Variants in SH3PXD2A observed in about 807,000 individuals in gnomAD.
The protein encoded by SH3PXD2A is SH3 and PX domains 2A, also known as SH3 and PX domain-containing protein 2A.
A neutral mutation model predicts 115.2 loss-of-function variants in SH3PXD2A; 32 were observed. The observed-to-expected ratio is 0.28, with a 90% CI of 0.21 to 0.37. The LOEUF is 0.37. Among genes scored for constraint, SH3PXD2A ranks in the 10% least tolerant of loss-of-function variants. The pLI, the probability that SH3PXD2A is intolerant of heterozygous loss-of-function variation, is 1.00. For missense variants in SH3PXD2A, 1,328 were observed against 1,498.7 expected (o/e 0.89, Z 1.88); for synonymous variants, 610 against 629.1 (o/e 0.97, Z 0.45).
At chr10:103,650,683 T>C (rs1183350874) in intron 8 of SH3PXD2A, among the ~76,000 whole-genome samples, 5 of 152,212 alleles carry the variant, frequency 3.3e-5, no homozygotes, top group African/African-American at 1.2e-4. Context: ...GTCCAGGCCC[T>C]GTCCCTGTCT....
intron 2 of SH3PXD2A, among the ~76,000 whole-genome samples, chr10:103,793,181 C>T (rs1589456706): frequency 1.3e-5 from 2 of 152,218 alleles, no homozygotes; most frequent in East Asian, 3.9e-4. Context: ...ATAAGGTTCC[C>T]CCTTTATCAA....
At chr10:103,631,686 A>C (rs2036782150) in intron 8 of SH3PXD2A, among the ~76,000 whole-genome samples, 2 of 152,140 alleles carry the variant, frequency 1.3e-5, no homozygotes, top group South Asian at 4.2e-4. Context: ...GCATGTGGTC[A>C]CTCCCCAAAT....
intron 9 of SH3PXD2A, among the ~76,000 whole-genome samples, chr10:103,623,095 G>A (rs2036632427): frequency 6.6e-6 from 1 of 152,130 alleles, no homozygotes; most frequent in South Asian, 2.1e-4. Flanking sequence ...GAGAGCTCTC[G>A]CCATTCTGGG....
intron 11 of SH3PXD2A, among the ~76,000 whole-genome samples, chr10:103,614,709 T>G (rs1411210889): frequency 2.6e-5 from 4 of 152,106 alleles, no homozygotes; most frequent in Admixed American, 2.6e-4. Flanking sequence ...CCTGGACACA[T>G]CTGGCTCTTT....
chr10:103,724,026 T>G (rs12219579), intron 5 of SH3PXD2A, among the ~76,000 whole-genome samples: 43,639 of 152,128 alleles, frequency 0.29, 6,815 homozygotes, highest in African/African-American at 0.4. Flanking sequence ...TAGGAAAATC[T>G]GCTCCACAAA....
chr10:103,623,877 A>T (rs762784894), intron 9 of SH3PXD2A, among the ~76,000 whole-genome samples: 3 of 152,190 alleles, frequency 2.0e-5, no homozygotes, highest in African/African-American at 7.2e-5. Flanking sequence ...CTCTGCAGAG[A>T]TGAAGGGGTT....
At chr10:103,624,379 TG>T (rs2036658458) in intron 9 of SH3PXD2A, among the ~76,000 whole-genome samples, 1 of 152,210 alleles carries the variant, frequency 6.6e-6, no homozygotes, top group Non-Finnish European at 1.5e-5. Flanking sequence ...GGCAGAGACT[TG>T]GGTTCTGGTC....
intron 8 of SH3PXD2A, among the ~76,000 whole-genome samples, chr10:103,649,941 G>A (rs1177226661): frequency 6.6e-6 from 1 of 152,182 alleles, no homozygotes; most frequent in Non-Finnish European, 1.5e-5. Context: ...CACCTTCCCT[G>A]GAGCACACCA....
chr10:103,785,660 G>A (rs148865451), intron 2 of SH3PXD2A, among the ~76,000 whole-genome samples: 2,985 of 152,118 alleles, frequency 0.02, 48 homozygotes, highest in Non-Finnish European at 0.026. Flanking sequence ...GCGTCTGTAC[G>A]TGAGCCACTC....
chr10:103,810,952 G>GCACACACA (rs71476608), intron 1 of SH3PXD2A, among the ~76,000 whole-genome samples: 1,565 of 19,938 alleles, frequency 0.078, 16 homozygotes, highest in Non-Finnish European at 0.26. Flanking sequence ...GCGCGCGCGC[G>GCACACACA]CACACACACA....
intron 4 of SH3PXD2A, among the ~76,000 whole-genome samples, chr10:103,728,547 T>C (rs142485236): frequency 4.3e-4 from 66 of 152,342 alleles, no homozygotes; most frequent in African/African-American, 1.5e-3. Context: ...GTATGTCTCA[T>C]GGAAGAACTC....
chr10:103,707,772 C>T (rs1280266993), intron 5 of SH3PXD2A, among the ~76,000 whole-genome samples: 1 of 152,120 alleles, frequency 6.6e-6, no homozygotes, highest in Non-Finnish European at 1.5e-5. Flanking sequence ...AGTCACTAGC[C>T]CAGTGGCAGA....
At chr10:103,825,150 G>T (rs2039417710) in intron 1 of SH3PXD2A, among the ~76,000 whole-genome samples, 1 of 152,154 alleles carries the variant, frequency 6.6e-6, no homozygotes, top group African/African-American at 2.4e-5. Context: ...TGAATTCTGT[G>T]AATGCATCCC....
chr10:103,814,007 A>C (rs1407536601), intron 1 of SH3PXD2A, among the ~76,000 whole-genome samples: 7 of 133,840 alleles, frequency 5.2e-5, no homozygotes, highest in Non-Finnish European at 9.8e-5. Flanking sequence ...GCTAAAAAAA[A>C]AAAAAAAACA....
intron 8 of SH3PXD2A, among the ~76,000 whole-genome samples, chr10:103,639,627 G>T (rs11191754): frequency 1.4e-5 from 1 of 70,728 alleles, no homozygotes; most frequent in East Asian, 3.4e-4. Flanking sequence ...AAAAAAAAAA[G>T]AAAAAGAAAA....
chr10:103,801,561 A>ACACACACACACACACACC, intron 1 of SH3PXD2A, among the ~76,000 whole-genome samples, 199 bp from the exon 2 acceptor site: 1 of 151,800 alleles, frequency 6.6e-6, no homozygotes, highest in Non-Finnish European at 1.5e-5. Context: ...ACACACACAC[A>ACACACACACACACACACC]CACACATACC....
At chr10:103,770,251 C>T (rs2038803651) in intron 2 of SH3PXD2A, among the ~76,000 whole-genome samples, 1 of 152,198 alleles carries the variant, frequency 6.6e-6, no homozygotes, top group Non-Finnish European at 1.5e-5. Flanking sequence ...CTCTGTTGCC[C>T]AGGCTGGAGT....
chr10:103,715,077 C>T (rs2038090169), intron 5 of SH3PXD2A, among the ~76,000 whole-genome samples: 1 of 152,220 alleles, frequency 6.6e-6, no homozygotes, highest in South Asian at 2.1e-4. Flanking sequence ...CTCGGCCAAC[C>T]CAATTCCATT....
At position 103,620,179 on chromosome 10, in the gene SH3PXD2A, A is replaced by T. The variant is rs1206893788; in HGVS notation, c.802+2291T>A. Among the ~76,000 whole-genome samples, 3 of 152,164 alleles carry T rather than the reference A, an allele frequency of 2.0e-5. No homozygotes were observed. Among genetic ancestry groups the T allele is most frequent in the African/African-American group, 7.2e-5 (3 of 41,438 alleles). ...CTTGGGAAGAGATGTCCCGTCGGAA[A>T]TGGGGTTGAGGGAAGGGAGGCTGTG... On this transcript the variant is annotated intron_variant, in intron 10 of 14. Transcript: ENST00000369774. This position sits in a 1 kb window ranked among gnomAD's most constrained non-coding sequence, Gnocchi z 5.3.
Sources: gnomAD v4.1 joint callset for allele counts (sites outside exome capture counted in the v4.1 genomes callset) on GRCh38, gnomAD v4.1.1 for gene constraint, Gnocchi (gnomAD v3.1) non-coding constraint, MANE v1.5 for transcripts, NCBI Gene and HGNC (gene_info 2026-07-23, HGNC 2026-07-21) for gene names.